The following MAP4K4 variants were observed in gnomAD, a reference collection of about 807,000 sequenced individuals.
The protein encoded by MAP4K4 is HPK/GCK-like kinase HGK.
MAP4K4 carries 38 observed loss-of-function variants against 189.6 expected under a neutral mutation model. The ratio of observed to expected loss-of-function variants is 0.20; its 90% CI spans 0.15 to 0.26. MAP4K4 has a LOEUF of 0.26. MAP4K4 is among the 10% of genes least tolerant of loss of function. MAP4K4 has a pLI of 1.00. For synonymous variants in MAP4K4, 610 were observed against 624.3 expected (o/e 0.98, Z 0.34); for missense variants, 1,054 against 1,726.9 (o/e 0.61, Z 6.91).
At chr2:101,761,363 T>C (rs942111084) in intron 2 of MAP4K4, among the ~76,000 whole-genome samples, 1 of 151,114 alleles carries the variant, frequency 6.6e-6, no homozygotes, top group Admixed American at 6.6e-5. Context: ...TAATGTTGCT[T>C]GATCTTTTCC....
chr2:101,746,968 T>G (rs1299332793), intron 2 of MAP4K4, among the ~76,000 whole-genome samples: 1 of 152,164 alleles, frequency 6.6e-6, no homozygotes, highest in African/African-American at 2.4e-5. Context: ...CATTTTGCCC[T>G]TGTGTCCCCC....
chr2:101,875,277 A>T (rs2098166932), intron 26 of MAP4K4, among the ~76,000 whole-genome samples: 1 of 152,254 alleles, frequency 6.6e-6, no homozygotes. Flanking sequence ...AGAATGGCCA[A>T]CCTCAAGAAT....
intron 2 of MAP4K4, among the ~76,000 whole-genome samples, chr2:101,765,611 C>A (rs769671066): frequency 1.3e-5 from 2 of 152,182 alleles, no homozygotes; most frequent in Non-Finnish European, 2.9e-5. Context: ...AGGTGTAAAT[C>A]ACACTGCCTG....
At chr2:101,718,621 T>TGGGGGGGGGGGGGGGGGGGG (rs2049939180) in intron 2 of MAP4K4, among the ~76,000 whole-genome samples, 1 of 20,504 alleles carries the variant, frequency 4.9e-5, no homozygotes. Flanking sequence ...GGGGTGGTGG[T>TGGGGGGGGGGGGGGGGGGGG]GGGGTGGATG....
chr2:101,844,190 G>A (rs775976851), exon 12 of MAP4K4: 4 of 1,609,792 alleles, frequency 2.5e-6, no homozygotes, highest in South Asian at 1.1e-5. Context: ...GAGGCTCTTC[G>A]GAGACAACAG....
intron 2 of MAP4K4, among the ~76,000 whole-genome samples, chr2:101,771,298 T>A (rs1042998367): frequency 1.3e-5 from 2 of 152,188 alleles, no homozygotes; most frequent in Non-Finnish European, 2.9e-5. Flanking sequence ...CAAACCTTCT[T>A]GTACCTTTTG....
intron 3 of MAP4K4, among the ~76,000 whole-genome samples, chr2:101,820,010 A>G (rs540187866): frequency 2.0e-5 from 3 of 152,334 alleles, no homozygotes; most frequent in South Asian, 4.1e-4. Context: ...ATTTAAGAGT[A>G]TAAGAACTAA....
intron 2 of MAP4K4, among the ~76,000 whole-genome samples, chr2:101,787,734 G>T (rs1180444650): frequency 1.3e-5 from 2 of 151,306 alleles, no homozygotes; most frequent in Non-Finnish European, 2.9e-5. Context: ...GGCCATTTTG[G>T]TTCCTTTGCA....
At chr2:101,877,243 T>G (rs2098229049) in intron 27 of MAP4K4, 97 bp downstream of exon 27, 1 of 1,242,572 alleles carries the variant, frequency 8.0e-7, no homozygotes, top group African/African-American at 1.5e-5. Flanking sequence ...ACTGATGTAC[T>G]GGCTAAATAA....
intron 2 of MAP4K4, among the ~76,000 whole-genome samples, chr2:101,781,439 A>T (rs1176996999): frequency 6.6e-6 from 1 of 152,148 alleles, no homozygotes; most frequent in Non-Finnish European, 1.5e-5. Flanking sequence ...TTATTGGCTC[A>T]TGACTCTGGA....
At chr2:101,876,074 G>A (rs2098195127) in intron 26 of MAP4K4, among the ~76,000 whole-genome samples, 1 of 152,174 alleles carries the variant, frequency 6.6e-6, no homozygotes, top group East Asian at 1.9e-4. Context: ...CAGAGAAGGG[G>A]TTTTCTCTGG....
intron 2 of MAP4K4, among the ~76,000 whole-genome samples, chr2:101,714,026 G>A (rs1320484662): frequency 2.7e-5 from 4 of 150,700 alleles, no homozygotes; most frequent in Non-Finnish European, 5.9e-5. Context: ...TAATATCTTT[G>A]TCTTAGAACC....
At chr2:101,730,602 G>A (rs1436787607) in intron 2 of MAP4K4, among the ~76,000 whole-genome samples, 1 of 152,146 alleles carries the variant, frequency 6.6e-6, no homozygotes, top group Non-Finnish European at 1.5e-5. Context: ...CAGCAGCACT[G>A]GACAGGTGTT....
chr2:101,807,392 T>C (rs1273722868), intron 3 of MAP4K4, among the ~76,000 whole-genome samples: 1 of 152,014 alleles, frequency 6.6e-6, no homozygotes, highest in African/African-American at 2.4e-5. Context: ...TAGCCCAACA[T>C]GGCACTCCTG....
chr2:101,861,043 C>T (rs772725903), intron 16 of MAP4K4, 57 bp downstream of exon 16: 25 of 1,469,190 alleles, frequency 1.7e-5, no homozygotes, highest in South Asian at 6.5e-5. Flanking sequence ...CTCGCTGAGC[C>T]GCAGGCCTGC....
At chr2:101,887,820 A>G in exon 31 of MAP4K4, 2 of 1,613,378 alleles carry the variant, frequency 1.2e-6, no homozygotes, top group African/African-American at 2.7e-5. Flanking sequence ...CATCCTCCCC[A>G]ATACAGATGG....
At chr2:101,870,206 G>C in intron 22 of MAP4K4, 89 bp from the exon 23 acceptor site, 1 of 1,380,274 alleles carries the variant, frequency 7.2e-7, no homozygotes, top group Non-Finnish European at 1.0e-6. Flanking sequence ...CTCATCTCAT[G>C]TTTTGATTTT....
chr2:101,813,021 C>G (rs377494660), intron 3 of MAP4K4, among the ~76,000 whole-genome samples: 1 of 151,978 alleles, frequency 6.6e-6, no homozygotes, highest in Non-Finnish European at 1.5e-5. Flanking sequence ...CCCAGCTACT[C>G]GGGAGGCTGA....
At chr2:101,729,736 T>C (rs1157875900) in intron 2 of MAP4K4, among the ~76,000 whole-genome samples, 1 of 152,194 alleles carries the variant, frequency 6.6e-6, no homozygotes, top group Non-Finnish European at 1.5e-5. Flanking sequence ...TGTGTCTAAC[T>C]GAGGACCCAC....
Sources: allele counts gnomAD v4.1 joint callset (sites outside exome capture counted in the v4.1 genomes callset), GRCh38; gene constraint gnomAD v4.1.1; transcripts MANE v1.5; gene names NCBI Gene and HGNC (gene_info 2026-07-23, HGNC 2026-07-21).